Variants in RGPD2 observed in about 807,000 individuals in gnomAD.
The protein encoded by RGPD2 is RANBP2 like and GRIP domain containing 2, also known as RANBP2-like and GRIP domain-containing protein 2.
RGPD2 carries 2 observed loss-of-function variants against 36.0 expected under a neutral mutation model. The observed-to-expected ratio is 0.06, with a 90% CI of 0.02 to 0.17. The LOEUF (loss-of-function observed/expected upper bound fraction) is 0.17, where lower values mean the gene tolerates loss of function less well. Ranked by LOEUF, RGPD2 falls within the 10% of genes least tolerant of loss-of-function variation. The probability of loss-of-function intolerance (pLI) is 1.00; values close to 1 mark genes in which losing one functional copy is unlikely to be tolerated. For synonymous variants in RGPD2, 19 were observed against 163.8 expected (o/e 0.12, Z 6.75); for missense variants, 40 against 464.3 (o/e 0.09, Z 8.40).
the RGPD2 span, among the ~76,000 whole-genome samples, chr2:87,988,764 C>A: frequency 6.6e-6 from 1 of 151,756 alleles, no homozygotes; most frequent in Non-Finnish European, 1.5e-5. Context: ...TGGTCTCGAA[C>A]TACCGACCTC....
the RGPD2 span, among the ~76,000 whole-genome samples, chr2:87,918,467 G>C: frequency 6.0e-5 from 9 of 151,188 alleles, no homozygotes; most frequent in East Asian, 1.8e-3. Flanking sequence ...ATGCTGAGGT[G>C]CTGTACAGAT....
chr2:87,956,809 C>T, the RGPD2 span, among the ~76,000 whole-genome samples: 2 of 141,290 alleles, frequency 1.4e-5, no homozygotes, highest in African/African-American at 2.6e-5. Context: ...GAGACTAAGG[C>T]TCTACCTTGG....
chr2:87,831,355 G>C, the RGPD2 span, among the ~76,000 whole-genome samples: 1 of 152,024 alleles, frequency 6.6e-6, no homozygotes, highest in South Asian at 2.1e-4. Flanking sequence ...GTTGTTAGAG[G>C]TACAGAAAGA....
At chr2:87,763,383 T>C (rs1573994266) in intron 22 of RGPD2, among the ~76,000 whole-genome samples, 1 of 147,524 alleles carries the variant, frequency 6.8e-6, no homozygotes, top group African/African-American at 2.5e-5. Context: ...GGTCTCGGTC[T>C]CCTGACCTCG....
chr2:87,777,359 A>AT (rs1224235415), intron 20 of RGPD2, among the ~76,000 whole-genome samples: 6 of 45,996 alleles, frequency 1.3e-4, no homozygotes, highest in African/African-American at 4.1e-4. Context: ...AGTACTACTT[A>AT]TTTTTTATTA....
At chr2:87,977,638 C>T in the RGPD2 span, among the ~76,000 whole-genome samples, 1 of 147,656 alleles carries the variant, frequency 6.8e-6, no homozygotes, top group Non-Finnish European at 1.5e-5. Context: ...TACAGCGAGA[C>T]TCTATTTCTT....
the RGPD2 span, among the ~76,000 whole-genome samples, chr2:87,919,920 C>T: frequency 2.0e-5 from 3 of 151,876 alleles, no homozygotes; most frequent in African/African-American, 4.8e-5. Flanking sequence ...TCTATATTAT[C>T]GTGGTAAATC....
chr2:87,916,970 T>C, the RGPD2 span, among the ~76,000 whole-genome samples: 1 of 152,066 alleles, frequency 6.6e-6, no homozygotes, highest in Non-Finnish European at 1.5e-5. Context: ...AATGGAGTGA[T>C]TTTATTTTAA....
the RGPD2 span, among the ~76,000 whole-genome samples, chr2:87,878,955 A>G: frequency 6.6e-6 from 1 of 152,124 alleles, no homozygotes; most frequent in African/African-American, 2.4e-5. Context: ...AATTATATGT[A>G]GTACTTTACC....
intron 22 of RGPD2, among the ~76,000 whole-genome samples, chr2:87,769,767 G>A (rs1377446895): frequency 6.7e-6 from 1 of 150,276 alleles, no homozygotes; most frequent in African/African-American, 2.4e-5. Flanking sequence ...TTATAATTTT[G>A]AGATTTCTGT....
the RGPD2 span, among the ~76,000 whole-genome samples, chr2:87,965,140 C>T: frequency 7.2e-6 from 1 of 138,102 alleles, no homozygotes; most frequent in African/African-American, 2.5e-5. Flanking sequence ...TCTCCATTTT[C>T]TCTTTATAGT....
the RGPD2 span, among the ~76,000 whole-genome samples, chr2:87,986,159 AG>A: frequency 1.6e-4 from 20 of 124,530 alleles, no homozygotes; most frequent in Non-Finnish European, 2.0e-4. Context: ...TTTTTGAGAG[AG>A]TGTCTCGCTC....
chr2:87,865,043 ATTTAT>A, the RGPD2 span, among the ~76,000 whole-genome samples: 68 of 151,558 alleles, frequency 4.5e-4, no homozygotes, highest in African/African-American at 1.6e-3. Flanking sequence ...TTATAATTTC[ATTTAT>A]TTTGTTTTTT....
chr2:87,875,705 G>A, the RGPD2 span, among the ~76,000 whole-genome samples: 21 of 152,230 alleles, frequency 1.4e-4, no homozygotes, highest in African/African-American at 4.8e-4. Flanking sequence ...TCTCTGCCAG[G>A]TTTTGGTATC....
At chr2:87,906,874 T>G in the RGPD2 span, among the ~76,000 whole-genome samples, 2 of 147,068 alleles carry the variant, frequency 1.4e-5, no homozygotes, top group Non-Finnish European at 3.0e-5. Context: ...GAGCCATGAT[T>G]GCACCACTGA....
At chr2:87,845,838 TA>T in the RGPD2 span, among the ~76,000 whole-genome samples, 1 of 152,106 alleles carries the variant, frequency 6.6e-6, no homozygotes, top group Non-Finnish European at 1.5e-5. Context: ...TGCTTTAAGA[TA>T]ATTTTATTTT....
At chr2:87,957,819 C>T in the RGPD2 span, among the ~76,000 whole-genome samples, 1 of 152,302 alleles carries the variant, frequency 6.6e-6, no homozygotes, top group African/African-American at 2.4e-5. Context: ...ATAAAAACAG[C>T]TTGTTTGCTG....
chr2:87,922,292 C>CAAAAAAAAA, the RGPD2 span, among the ~76,000 whole-genome samples: 1 of 84,692 alleles, frequency 1.2e-5, no homozygotes, highest in Non-Finnish European at 2.1e-5. Flanking sequence ...GACTTCGTCT[C>CAAAAAAAAA]AAAAAAAAAA....
chr2:87,977,143 AT>A, the RGPD2 span, among the ~76,000 whole-genome samples: 1 of 88,046 alleles, frequency 1.1e-5, no homozygotes, highest in African/African-American at 4.5e-5. Context: ...GGAGCTGTGA[AT>A]TGTTTTAATT....
Sources: allele counts gnomAD v4.1 joint callset (sites outside exome capture counted in the v4.1 genomes callset), GRCh38; gene constraint gnomAD v4.1.1; transcripts MANE v1.5; gene names NCBI Gene and HGNC (gene_info 2026-07-23, HGNC 2026-07-21).